APBA2: variants seen among roughly 807,000 people sequenced by gnomAD.
APBA2 encodes the protein amyloid-beta A4 precursor protein-binding family A member 2.
A neutral mutation model predicts 75.0 loss-of-function variants in APBA2; 30 were observed. That is an observed-to-expected ratio of 0.40 (90% CI 0.30 to 0.54). The LOEUF (loss-of-function observed/expected upper bound fraction) is 0.54, where lower values mean the gene tolerates loss of function less well. Among genes scored for constraint, APBA2 ranks in the 20% least tolerant of loss-of-function variants. APBA2 has a pLI of 0.49. For synonymous variants in APBA2, 444 were observed against 409.6 expected, an observed-to-expected ratio of 1.08 and a Z score of -1.01; for missense variants, 801 against 1,016.1, an observed-to-expected ratio of 0.79 and a Z score of 2.88.
intron 2 of APBA2, among the ~76,000 whole-genome samples, chr15:28,958,599 G>A (rs945246755): frequency 4.1e-4 from 62 of 152,208 alleles, no homozygotes; most frequent in African/African-American, 1.4e-3. Context: ...GCGGCACAGA[G>A]CTCTGGCTTG....
At chr15:29,024,974 C>T (rs1157178795) in intron 3 of APBA2, among the ~76,000 whole-genome samples, 1 of 152,072 alleles carries the variant, frequency 6.6e-6, no homozygotes, top group Non-Finnish European at 1.5e-5. Context: ...TGTGCTTGTC[C>T]CATGGAGGAG....
chr15:29,103,446 G>C (rs1208946847), intron 10 of APBA2, among the ~76,000 whole-genome samples: 4 of 152,232 alleles, frequency 2.6e-5, no homozygotes, highest in African/African-American at 9.6e-5. Context: ...CTGCGAGTTG[G>C]GGCCGGCAGG....
Position 29,053,936 on chromosome 15 carries a change from G to A in APBA2, c.52G>A (p.Val18Met). 1.2e-6 allele frequency: 2 copies of A among 1,614,040 alleles called. No homozygotes were observed. Among genetic ancestry groups the A allele is most frequent in the Non-Finnish European group, 1.7e-6 (2 of 1,180,010 alleles). Reference protein sequence around the residue: ...SVGSGMLDHRVRPGPVPHSQE... With the variant: ...SVGSGMLDHRMRPGPVPHSQE... ...GGGGAGCGGCATGTTGGACCATAGG[G>A]TGAGACCAGGTCCTGTCCCTCACAG... Residue 18 changes from valine to methionine, a missense_variant, in exon 4 of 15, where the codon GTG becomes ATG. Val to Met is a conservative substitution (Grantham distance 21). This residue lies in a region of APBA2 where 434 missense variants were observed against 471.6 expected (regional missense o/e 0.92). Transcript: ENST00000683413.
chr15:29,087,561 T>C (rs12901911), intron 6 of APBA2, among the ~76,000 whole-genome samples: 117,822 of 152,184 alleles, frequency 0.77, 46,471 homozygotes, highest in Non-Finnish European at 0.85. Flanking sequence ...TTTCAGATGG[T>C]GTCTTCTCTT....
At chr15:29,116,319 G>A (rs958046709) in intron 14 of APBA2, among the ~76,000 whole-genome samples, 11 of 152,104 alleles carry the variant, frequency 7.2e-5, no homozygotes, top group Admixed American at 3.9e-4. Flanking sequence ...TTCCTGGCCC[G>A]TGTGTGTTTT....
chr15:29,040,458 A>G (rs2040977453), intron 3 of APBA2, among the ~76,000 whole-genome samples: 1 of 152,226 alleles, frequency 6.6e-6, no homozygotes, highest in African/African-American at 2.4e-5. Flanking sequence ...AACTCCATGT[A>G]TGGGATATAC....
intron 3 of APBA2, among the ~76,000 whole-genome samples, chr15:29,025,284 G>C (rs1259322697): frequency 3.5e-5 from 3 of 86,586 alleles, no homozygotes; most frequent in African/African-American, 1.2e-4. Flanking sequence ...TTTTTTTTTT[G>C]AGATGGAATC....
intron 11 of APBA2, among the ~76,000 whole-genome samples, chr15:29,105,937 A>G (rs1244751702): frequency 6.6e-6 from 1 of 152,258 alleles, no homozygotes; most frequent in Non-Finnish European, 1.5e-5. Context: ...AGCTGGTCCC[A>G]GTGGCTTCCC....
chr15:29,068,517 A>G (rs1425814755), intron 4 of APBA2, among the ~76,000 whole-genome samples: 1 of 152,242 alleles, frequency 6.6e-6, no homozygotes, highest in Non-Finnish European at 1.5e-5. Flanking sequence ...ACTGCAGCAG[A>G]GTGCCAGGTG....
Position 29,054,775 on chromosome 15 carries a change from G to C in APBA2, c.891G>C (p.Gln297His). 5.0e-6 allele frequency: 8 copies of C among 1,604,920 alleles called. No individual in the cohort carries two copies. Among genetic ancestry groups the C allele is most frequent in the Non-Finnish European group, 6.8e-6 (8 of 1,179,966 alleles). Residue 297 changes from glutamine (Q) to histidine (H), a missense_variant, in exon 4 of 15, where the codon CAG becomes CAC. Physicochemically the swap from Gln to His is conservative, Grantham distance 24. Around this residue, in one of 2 missense-constraint regions of APBA2, gnomAD observed 434 missense variants for 471.6 expected, o/e 0.92. Transcript: ENST00000683413. The surrounding 1 kb of genome is among the most constrained non-coding windows in gnomAD (Gnocchi z 6.1). Reference protein sequence around the residue: ...LPEAKHPGDPQRGFKPKTRTP... With the variant: ...LPEAKHPGDPHRGFKPKTRTP... ...AGGCCAAGCACCCCGGAGACCCCCA[G>C]AGAGGCTTCAAGCCCAAGACCAGGA...
At chr15:29,004,675 A>G (rs368933813) in intron 3 of APBA2, among the ~76,000 whole-genome samples, 1 of 151,834 alleles carries the variant, frequency 6.6e-6, no homozygotes, top group South Asian at 2.1e-4. Context: ...TGGGGATCTC[A>G]TTTATTTTAT....
chr15:29,113,477 C>A (rs566571133), intron 13 of APBA2, among the ~76,000 whole-genome samples: 1 of 152,292 alleles, frequency 6.6e-6, no homozygotes, highest in East Asian at 1.9e-4. Context: ...GGACAGGCTG[C>A]CTCTCCTTTC....
chr15:29,036,444 A>G (rs138892191), intron 3 of APBA2, among the ~76,000 whole-genome samples: 32 of 152,196 alleles, frequency 2.1e-4, no homozygotes, highest in African/African-American at 7.5e-4. Flanking sequence ...CACAGCTAGG[A>G]TGGGAGGCAG....
In APBA2 at chr15:29,059,823, C is replaced by G. The variant is rs556368370; in HGVS notation, c.951+4988C>G. Among the ~76,000 whole-genome samples the G allele has an allele frequency of 6.8e-4, 104 of 152,176 alleles. 1 individual carries two copies. Among genetic ancestry groups the G allele is most frequent in the Non-Finnish European group, 8.8e-5 (6 of 68,000 alleles). On this transcript the variant is annotated intron_variant, in intron 4 of 14. Transcript: ENST00000683413. The stretch of plus-strand genomic sequence containing the variant: ...TTGGTTGTATTTGGTTGGCAAATGA[C>G]TTTGGGAAACTTTGCTGCAAAGTTT...
At chr15:29,048,001 A>G (rs189474763) in intron 3 of APBA2, among the ~76,000 whole-genome samples, 1 of 152,336 alleles carries the variant, frequency 6.6e-6, no homozygotes, top group East Asian at 1.9e-4. Flanking sequence ...TTCAATAAAT[A>G]GGAAGATTTT....
At chr15:29,049,254 A>G (rs1003929843) in intron 3 of APBA2, among the ~76,000 whole-genome samples, 1 of 152,206 alleles carries the variant, frequency 6.6e-6, no homozygotes, top group African/African-American at 2.4e-5. Context: ...AGGGTTTTCA[A>G]TGGGTAACAA....
At chr15:29,040,427 GTTTA>G (rs1258552494) in intron 3 of APBA2, among the ~76,000 whole-genome samples, 1 of 152,186 alleles carries the variant, frequency 6.6e-6, no homozygotes, top group Non-Finnish European at 1.5e-5. Flanking sequence ...GGAAAAGAGG[GTTTA>G]TTTATGTTTC....
chr15:28,939,450 C>T (rs773772703), intron 2 of APBA2, among the ~76,000 whole-genome samples: 1 of 152,182 alleles, frequency 6.6e-6, no homozygotes, highest in African/African-American at 2.4e-5. Flanking sequence ...ACAGCAGCTG[C>T]ACCCATTTAC....
At chr15:29,087,614 TCA>T (rs1294759331) in intron 6 of APBA2, among the ~76,000 whole-genome samples, 2 of 152,180 alleles carry the variant, frequency 1.3e-5, no homozygotes, top group Admixed American at 1.3e-4. Context: ...TGGGGGCATC[TCA>T]AGGCACAGGC....
Sources: allele counts gnomAD v4.1 joint callset (sites outside exome capture counted in the v4.1 genomes callset), GRCh38; gene constraint gnomAD v4.1.1; regional missense constraint gnomAD v4.1.1; non-coding constraint Gnocchi (gnomAD v3.1); transcripts MANE v1.5; gene names NCBI Gene and HGNC (gene_info 2026-07-23, HGNC 2026-07-21).